The following DLG2 variants were observed in gnomAD, a reference collection of about 807,000 sequenced individuals.
DLG2 encodes disks large homolog 2.
DLG2 carries 45 observed loss-of-function variants against 132.5 expected under a neutral mutation model. The observed-to-expected ratio is 0.34, with a 90% CI of 0.27 to 0.44. DLG2 has a LOEUF of 0.44. Ranked by LOEUF, DLG2 falls within the 20% of genes least tolerant of loss-of-function variation. The probability of loss-of-function intolerance (pLI) is 1.00; values close to 1 mark genes in which losing one functional copy is unlikely to be tolerated. For missense variants in DLG2, 1,045 were observed against 1,196.9 expected (o/e 0.87, Z 1.87); for synonymous variants, 424 against 419.6 (o/e 1.01, Z -0.13).
intron 3 of DLG2, among the ~76,000 whole-genome samples, chr11:85,368,461 T>A (rs942134927): frequency 2.4e-4 from 37 of 152,338 alleles, no homozygotes; most frequent in African/African-American, 8.2e-4. Context: ...TCATTTGACA[T>A]ATATCCAAAA....
intron 9 of DLG2, among the ~76,000 whole-genome samples, chr11:84,108,521 G>C (rs2093126226): frequency 6.6e-6 from 1 of 152,100 alleles, no homozygotes; most frequent in Admixed American, 6.6e-5. Flanking sequence ...AGTATTCTTG[G>C]CAGAGGAACA....
At chr11:85,293,003 T>C (rs1043626815) in intron 3 of DLG2, among the ~76,000 whole-genome samples, 2 of 152,022 alleles carry the variant, frequency 1.3e-5, no homozygotes, top group African/African-American at 4.8e-5. Context: ...AATGACTAAA[T>C]CTGAAATAAT....
intron 6 of DLG2, among the ~76,000 whole-genome samples, chr11:84,772,064 G>A (rs2069513046): frequency 6.6e-6 from 1 of 151,150 alleles, no homozygotes; most frequent in Non-Finnish European, 1.5e-5. Flanking sequence ...GTTGGAGAAA[G>A]ATCTGTCATG....
Position 85,519,925 on chromosome 11 carries a change from T to C in DLG2, c.40+78732A>G, listed in dbSNP as rs550346694. ...TGCCTTTCACCTTCCACCATGATTG[T>C]GAGGCCTCCCCAGCCACGTAGAACT... is the stretch of plus-strand genomic sequence containing the variant. On this transcript the variant is annotated intron_variant, in intron 3 of 27. Transcript: ENST00000376104. Among the ~76,000 whole-genome samples the C allele has an allele frequency of 3.3e-5, 5 of 152,306 alleles. No homozygotes were observed. In the East Asian group the frequency reaches 9.6e-4, roughly 29 times the overall value.
intron 4 of DLG2, among the ~76,000 whole-genome samples, chr11:85,169,624 G>A (rs1415208308): frequency 5.9e-5 from 9 of 152,174 alleles, no homozygotes; most frequent in African/African-American, 9.6e-5. Flanking sequence ...TTTGGAAACT[G>A]AATGGGACCT....
At chr11:84,623,903 T>C (rs1179915893) in intron 6 of DLG2, among the ~76,000 whole-genome samples, 3 of 152,222 alleles carry the variant, frequency 2.0e-5, no homozygotes, top group Admixed American at 2.0e-4. Context: ...TCATTTATTA[T>C]CCTAATATTC....
intron 8 of DLG2, among the ~76,000 whole-genome samples, chr11:84,185,211 T>C: frequency 6.6e-6 from 1 of 152,150 alleles, no homozygotes; most frequent in East Asian, 1.9e-4. Context: ...GAGCATGGAA[T>C]GTCCTTCTAT....
At chr11:85,412,963 T>G (rs979502650) in intron 3 of DLG2, among the ~76,000 whole-genome samples, 1 of 151,866 alleles carries the variant, frequency 6.6e-6, no homozygotes, top group African/African-American at 2.4e-5. Context: ...GTGGTTCCAC[T>G]TGTAGTTATT....
intron 11 of DLG2, among the ~76,000 whole-genome samples, chr11:83,994,970 T>C (rs1277070708): frequency 6.6e-6 from 1 of 150,820 alleles, no homozygotes; most frequent in East Asian, 1.9e-4. Context: ...CATGTCTGTT[T>C]CTGTGTCCAT....
chr11:85,085,751 T>A (rs7926834), intron 6 of DLG2, among the ~76,000 whole-genome samples: 2,111 of 152,218 alleles, frequency 0.014, 48 homozygotes, highest in African/African-American at 0.047. Context: ...ATTTAGCAAC[T>A]TGCCCAAGGT....
At chr11:84,193,160 C>T (rs1005584219) in intron 8 of DLG2, among the ~76,000 whole-genome samples, 2 of 152,166 alleles carry the variant, frequency 1.3e-5, no homozygotes, top group African/African-American at 4.8e-5. Flanking sequence ...GAATCCTAGA[C>T]AGTCATTGTT....
intron 6 of DLG2, among the ~76,000 whole-genome samples, chr11:84,917,638 A>G (rs985746018): frequency 6.6e-6 from 1 of 152,196 alleles, no homozygotes; most frequent in Admixed American, 6.5e-5. Context: ...TCTAGGGTCC[A>G]TACTAAGAGT....
intron 18 of DLG2, among the ~76,000 whole-genome samples, chr11:83,708,723 T>C (rs2084645608): frequency 6.6e-6 from 1 of 152,220 alleles, no homozygotes; most frequent in African/African-American, 2.4e-5. Flanking sequence ...AATTTACATT[T>C]AGATTCTGCA....
In DLG2 at chr11:84,063,275, C is replaced by T. The variant is rs545054141; in HGVS notation, c.750-3791G>A. ...GTAAACCAGAATTGTCTGTAATATC[C>T]GCAGATTAATTTTAATATTCTTTCT... On this transcript the variant is annotated intron_variant, in intron 10 of 27. Transcript: ENST00000376104. Among the ~76,000 whole-genome samples, 8 of 152,236 alleles carry T rather than the reference C, an allele frequency of 5.3e-5. No individual in the cohort carries two copies. In the South Asian group the frequency reaches 1.2e-3, roughly 24 times the overall value.
intron 12 of DLG2, among the ~76,000 whole-genome samples, chr11:83,969,605 C>T (rs1354605807): frequency 6.6e-6 from 1 of 152,010 alleles, no homozygotes; most frequent in East Asian, 1.9e-4. Flanking sequence ...TGGAGTTTTG[C>T]TCTTGTTGCC....
chr11:84,514,709 T>C (rs995161030), intron 7 of DLG2, among the ~76,000 whole-genome samples: 9 of 151,884 alleles, frequency 5.9e-5, no homozygotes, highest in African/African-American at 1.9e-4. Context: ...GTTTAAAGTA[T>C]GCCAAAGTTG....
chr11:84,427,734 CCT>C (rs143896922), intron 7 of DLG2, among the ~76,000 whole-genome samples: 6,326 of 152,228 alleles, frequency 0.042, 401 homozygotes, highest in African/African-American at 0.13. Context: ...CATTTTTACC[CCT>C]CCCATGCTAG....
At chr11:84,855,112 G>A (rs1438162070) in intron 6 of DLG2, among the ~76,000 whole-genome samples, 1 of 151,990 alleles carries the variant, frequency 6.6e-6, no homozygotes, top group Admixed American at 6.6e-5. Context: ...CTACTAGAGA[G>A]GCTTATTCAT....
intron 16 of DLG2, among the ~76,000 whole-genome samples, chr11:83,869,012 A>G (rs575061674): frequency 6.6e-6 from 1 of 152,308 alleles, no homozygotes; most frequent in South Asian, 2.1e-4. Flanking sequence ...CTAGAAGTCC[A>G]TAAGCCAAAA....
Sources: allele counts gnomAD v4.1 joint callset (sites outside exome capture counted in the v4.1 genomes callset), GRCh38; gene constraint gnomAD v4.1.1; transcripts MANE v1.5; gene names NCBI Gene and HGNC (gene_info 2026-07-23, HGNC 2026-07-21).